Variants in EHD3 observed in about 807,000 individuals in gnomAD.
EHD3 encodes the protein EH domain containing 3.
EHD3 carries 17 observed loss-of-function variants against 43.0 expected under a neutral mutation model. That is an observed-to-expected ratio of 0.40 (90% confidence interval 0.27 to 0.59). The LOEUF is 0.59. Ranked by LOEUF, EHD3 falls within the 20% of genes least tolerant of loss-of-function variation. EHD3 has a pLI of 0.49. For missense variants in EHD3, 594 were observed against 705.6 expected, an observed-to-expected ratio of 0.84 and a Z score of 1.79; for synonymous variants, 313 against 289.5, an observed-to-expected ratio of 1.08 and a Z score of -0.82.
intron 5 of EHD3, among the ~76,000 whole-genome samples, chr2:31,265,225 TA>T (rs1683925443): frequency 1.3e-5 from 2 of 152,188 alleles, no homozygotes; most frequent in Non-Finnish European, 2.9e-5. Flanking sequence ...AAAATAACAA[TA>T]AAAAGTACAG....
chr2:31,261,058 G>A, intron 4 of EHD3, 136 bp downstream of exon 4: 1 of 1,005,636 alleles, frequency 9.9e-7, no homozygotes, highest in Non-Finnish European at 1.4e-6. Context: ...CAGTGCGGGA[G>A]CCATGGTTAC....
chr2:31,261,606 GACA>G lies in EHD3; in HGVS notation c.978_980del (p.Asn326del), dbSNP rs1249392338. The stretch of plus-strand genomic sequence containing the variant: ...GGAGATGCCCTCGGTGTTCGGGAAG[GACA>G]ACAAGAAGAAGGAGCTGGTCAACAA... On this transcript the variant is annotated inframe_deletion, in exon 5 of 6. Transcript: ENST00000322054. 6.2e-7 allele frequency: 1 copy of G among 1,614,064 alleles called. No homozygotes were observed. Among genetic ancestry groups the G allele is most frequent in the African/African-American group, 1.3e-5 (1 of 74,924 alleles).
rs1683282457 is a variant in EHD3, at chr2:31,234,390, T to A, written c.-232T>A. The A allele has an allele frequency of 8.9e-6, 5 of 559,990 alleles. No individual in the cohort carries two copies. The highest frequency in any genetic ancestry group is 1.6e-5 in the Non-Finnish European group (5 of 313,632). The allele number at this position is 559,990 out of a possible 1,614,324, so 34.7% of individuals were successfully genotyped here. ...CTCCTCAAGCCCAGATTATTTATCCTCCCTCCGGCCTGGGCTGCTGGATGC... is the reference window on the plus strand; with the variant it reads ...CTCCTCAAGCCCAGATTATTTATCCACCCTCCGGCCTGGGCTGCTGGATGC... On this transcript the variant is annotated 5_prime_UTR_variant, in exon 1 of 6. Transcript: ENST00000322054.
chr2:31,243,460 C>CTTTTTTTTTTTTTTTTTT (rs1309146980), intron 1 of EHD3, among the ~76,000 whole-genome samples: 3 of 98,466 alleles, frequency 3.0e-5, no homozygotes, highest in African/African-American at 4.6e-5. Flanking sequence ...TTCTTTCTTT[C>CTTTTTTTTTTTTTTTTTT]TTTTTTTTTT....
At chr2:31,252,135 G>T (rs1013629861) in intron 3 of EHD3, among the ~76,000 whole-genome samples, 3 of 152,220 alleles carry the variant, frequency 2.0e-5, no homozygotes, top group Non-Finnish European at 4.4e-5. Context: ...GAACCTGTGT[G>T]TGTCTCAACA....
intron 3 of EHD3, among the ~76,000 whole-genome samples, chr2:31,257,278 C>T (rs1220560733): frequency 6.6e-6 from 1 of 152,174 alleles, no homozygotes; most frequent in Admixed American, 6.5e-5. Context: ...TTGCCATGCG[C>T]TGTGCTGAAG....
intron 1 of EHD3, among the ~76,000 whole-genome samples, chr2:31,240,342 C>T (rs773841747): frequency 2.6e-5 from 4 of 152,332 alleles, no homozygotes; most frequent in Admixed American, 6.5e-5. Context: ...CTCCTGGCAA[C>T]AGAGGCAATC....
intron 2 of EHD3, among the ~76,000 whole-genome samples, chr2:31,247,739 C>T (rs1413522502): frequency 6.6e-6 from 1 of 152,186 alleles, no homozygotes; most frequent in Non-Finnish European, 1.5e-5. Flanking sequence ...AGTGATAACC[C>T]AGGCAAGAGG....
chr2:31,260,900 T>A lies in EHD3; in HGVS notation c.893T>A (p.Ile298Asn). The part of the protein sequence containing the change: ...NAALRKLNDL[I>N]KRARLAKVHA... ...GCCCTGCGCAAGCTCAACGACCTCA[T>A]CAAAAGGGCCAGGCTGGCCAAGGTG... Residue 298 changes from isoleucine to asparagine, a missense_variant, in exon 4 of 6, where the codon ATC becomes AAC. Physicochemically the swap from Ile to Asn is moderately radical, Grantham distance 149. This residue lies in a region of EHD3 where 322 missense variants were observed against 348.0 expected (regional missense o/e 0.93). Coordinates refer to ENST00000322054, the MANE Select transcript of EHD3 (RefSeq NM_014600.3). This position sits in a 1 kb window ranked among gnomAD's most constrained non-coding sequence, Gnocchi z 4.6. The A allele has an allele frequency of 6.2e-7, 1 of 1,610,750 alleles. No homozygotes were observed. The highest frequency in any genetic ancestry group is 8.5e-7 in the Non-Finnish European group (1 of 1,178,348).
chr2:31,242,567 AT>A (rs1215160869), intron 1 of EHD3, among the ~76,000 whole-genome samples: 1 of 152,220 alleles, frequency 6.6e-6, no homozygotes, highest in Non-Finnish European at 1.5e-5. Context: ...TATACAAGGC[AT>A]TTTGAATGTA....
chr2:31,259,291 A>G (rs1683804982), intron 3 of EHD3, among the ~76,000 whole-genome samples: 1 of 152,134 alleles, frequency 6.6e-6, no homozygotes. Flanking sequence ...GCTGCTGCTC[A>G]TGGGCTGTGT....
At chr2:31,236,098 T>C (rs1000850270) in intron 1 of EHD3, among the ~76,000 whole-genome samples, 2 of 152,184 alleles carry the variant, frequency 1.3e-5, no homozygotes, top group Non-Finnish European at 2.9e-5. Context: ...AAGTTAACAG[T>C]CTAGTTACTA....
chr2:31,261,610 A>G lies in EHD3; in HGVS notation c.977A>G (p.Asn326Ser). The stretch of plus-strand genomic sequence containing the variant: ...ATGCCCTCGGTGTTCGGGAAGGACA[A>G]CAAGAAGAAGGAGCTGGTCAACAAC... ...KEMPSVFGKD[N>S]KKKELVNNLA... The change falls in exon 5 of 6, where the codon AAC becomes AGC. Residue 326 changes from asparagine to serine, a missense_variant. Coordinates refer to ENST00000322054, the MANE Select transcript of EHD3 (RefSeq NM_014600.3). 6.2e-7 allele frequency: 1 copy of G among 1,614,190 alleles called. No homozygotes were observed. The highest frequency in any genetic ancestry group is 8.5e-7 in the Non-Finnish European group (1 of 1,180,036).
intron 1 of EHD3, among the ~76,000 whole-genome samples, chr2:31,237,866 G>A (rs568787657): frequency 5.3e-5 from 8 of 152,248 alleles, no homozygotes; most frequent in African/African-American, 1.7e-4. Flanking sequence ...TCCATTGTGT[G>A]TATATACGAT....
At chr2:31,257,185 G>A (rs531323987) in intron 3 of EHD3, among the ~76,000 whole-genome samples, 119 of 152,346 alleles carry the variant, frequency 7.8e-4, no homozygotes, top group African/African-American at 2.8e-3. Flanking sequence ...GTTTGCAGAG[G>A]TGGGGGTTGG....
At chr2:31,261,049 A>G in intron 4 of EHD3, 127 bp downstream of exon 4, 3 of 1,066,314 alleles carry the variant, frequency 2.8e-6, no homozygotes, top group Non-Finnish European at 4.0e-6. Flanking sequence ...GGGGCAGGAC[A>G]GTGCGGGAGC....
chr2:31,256,097 A>C (rs902656068), intron 3 of EHD3, among the ~76,000 whole-genome samples: 2 of 152,146 alleles, frequency 1.3e-5, no homozygotes, highest in African/African-American at 2.4e-5. Flanking sequence ...AGGACTAGAG[A>C]GGGGAGATTC....
chr2:31,260,895 C>T lies in EHD3; in HGVS notation c.888C>T (p.Asp296=). The T allele has an allele frequency of 6.2e-7, 1 of 1,612,222 alleles. No homozygotes were observed. Among genetic ancestry groups the T allele is most frequent in the Non-Finnish European group, 8.5e-7 (1 of 1,179,028 alleles). The change falls in exon 4 of 6, where the codon GAC becomes GAT. Residue 296 remains aspartate, a synonymous_variant. Coordinates refer to ENST00000322054, the MANE Select transcript of EHD3 (RefSeq NM_014600.3). This position sits in a 1 kb window ranked among gnomAD's most constrained non-coding sequence, Gnocchi z 4.6. The part of the protein sequence containing the change: ...PRNAALRKLN[D]LIKRARLAKV... ...ATGCTGCCCTGCGCAAGCTCAACGA[C>T]CTCATCAAAAGGGCCAGGCTGGCCA...
Position 31,234,476 on chromosome 2 carries a change from G to A in EHD3, c.-146G>A. The stretch of plus-strand genomic sequence containing the variant: ...GTGCGCTCCCGGCCCTCCTAGCCGC[G>A]TGCCCGGGCCATGGTGCGGCTGAGC... On this transcript the variant is annotated 5_prime_UTR_variant, in exon 1 of 6. It adds an upstream start codon to the 5' untranslated region. Transcript: ENST00000322054. 3.5e-6 allele frequency: 3 copies of A among 866,228 alleles called. No individual in the cohort carries two copies. Among genetic ancestry groups the A allele is most frequent in the Non-Finnish European group, 5.2e-6 (3 of 573,400 alleles). 53.7% of individuals were successfully genotyped at this position (866,228 alleles called of 1,614,324 possible).
Sources: gnomAD v4.1 joint callset for allele counts (sites outside exome capture counted in the v4.1 genomes callset) on GRCh38, gnomAD v4.1.1 for gene constraint, gnomAD v4.1.1 regional missense constraint, Gnocchi (gnomAD v3.1) non-coding constraint, MANE v1.5 for transcripts, NCBI Gene and HGNC (gene_info 2026-07-23, HGNC 2026-07-21) for gene names.